RGS22: variants seen among roughly 807,000 people sequenced by gnomAD.
The protein encoded by RGS22 is regulator of G protein signaling 22.
Under a neutral mutation model 172.9 loss-of-function variants are expected in RGS22, and 148 were observed. The ratio of observed to expected loss-of-function variants is 0.86; its 90% CI spans 0.75 to 0.98. The LOEUF (loss-of-function observed/expected upper bound fraction) is 0.98, where lower values mean the gene tolerates loss of function less well. Ranked by LOEUF, RGS22 falls within the 50% of genes least tolerant of loss-of-function variation. RGS22 has a pLI of 0.00. For missense variants in RGS22, 1,347 were observed against 1,440.8 expected, an observed-to-expected ratio of 0.93 and a Z score of 1.05; for synonymous variants, 458 against 480.2, an observed-to-expected ratio of 0.95 and a Z score of 0.60.
At chr8:100,001,910 T>C (rs1815132940) in intron 18 of RGS22, among the ~76,000 whole-genome samples, 1 of 152,210 alleles carries the variant, frequency 6.6e-6, no homozygotes, top group African/African-American at 2.4e-5. Context: ...CAGTCTGGCA[T>C]AGTGAAGGCA....
chr8:100,068,934 CA>C (rs11313965), intron 6 of RGS22, among the ~76,000 whole-genome samples: 77,370 of 120,426 alleles, frequency 0.64, 21,929 homozygotes, highest in Admixed American at 0.68. Context: ...GACCCTGTCT[CA>C]AAAAAAAAAA....
At chr8:99,989,028 A>T (rs1813405010) in intron 20 of RGS22, among the ~76,000 whole-genome samples, 1 of 152,052 alleles carries the variant, frequency 6.6e-6, no homozygotes, top group African/African-American at 2.4e-5. Context: ...ACAAAATAAT[A>T]AAATATATGT....
chr8:99,989,569 T>A (rs977555398), intron 20 of RGS22, among the ~76,000 whole-genome samples: 1 of 152,090 alleles, frequency 6.6e-6, no homozygotes, highest in African/African-American at 2.4e-5. Context: ...ATGTGCCAGG[T>A]GTGTTGGCTC....
At chr8:99,963,041 AAGATG>A in intron 24 of RGS22, 63 bp from the exon 25 acceptor site, 1 of 1,325,364 alleles carries the variant, frequency 7.5e-7, no homozygotes, top group Non-Finnish European at 1.0e-6. Flanking sequence ...AACTGAAGAT[AAGATG>A]TCTTCTATCA....
chr8:100,100,065 T>C (rs1318580748), intron 2 of RGS22, among the ~76,000 whole-genome samples: 1 of 152,184 alleles, frequency 6.6e-6, no homozygotes, highest in South Asian at 2.1e-4. Flanking sequence ...TTCTATACAG[T>C]TGTCCCTTGG....
chr8:100,017,790 G>C (rs1485649641), intron 14 of RGS22, among the ~76,000 whole-genome samples: 1 of 152,182 alleles, frequency 6.6e-6, no homozygotes, highest in African/African-American at 2.4e-5. Flanking sequence ...TTATGGGTTA[G>C]AAACATTGTT....
At chr8:100,071,035 C>T (rs934496568) in intron 6 of RGS22, among the ~76,000 whole-genome samples, 5 of 152,206 alleles carry the variant, frequency 3.3e-5, no homozygotes, top group African/African-American at 1.2e-4. Context: ...GTAATCCCAG[C>T]ACTTTGGGAG....
chr8:99,994,558 G>C (rs945368022), intron 20 of RGS22, among the ~76,000 whole-genome samples: 1 of 151,980 alleles, frequency 6.6e-6, no homozygotes, highest in Non-Finnish European at 1.5e-5. Flanking sequence ...AACTGACAAG[G>C]GATATGAAGG....
chr8:100,026,763 A>C (rs188672540), intron 14 of RGS22, among the ~76,000 whole-genome samples: 2 of 152,260 alleles, frequency 1.3e-5, no homozygotes. Context: ...ACAGTGTCCT[A>C]AGAAGCATAA....
chr8:100,001,526 G>C (rs750576084), intron 18 of RGS22, among the ~76,000 whole-genome samples: 1 of 151,890 alleles, frequency 6.6e-6, no homozygotes, highest in Non-Finnish European at 1.5e-5. Context: ...AAGCCACCAC[G>C]CCCAGCCCAA....
intron 8 of RGS22, 136 bp from the exon 9 acceptor site, chr8:100,062,888 A>G (rs906165203): frequency 4.4e-6 from 3 of 689,160 alleles, no homozygotes; most frequent in Non-Finnish European, 7.2e-6. Context: ...AGGTTCTTCA[A>G]CTTACAGTAA....
At chr8:100,040,592 T>A (rs935635640) in intron 12 of RGS22, among the ~76,000 whole-genome samples, 1 of 152,186 alleles carries the variant, frequency 6.6e-6, no homozygotes, top group Non-Finnish European at 1.5e-5. Context: ...ACAGTGTAAA[T>A]GGCAGTGTAA....
At chr8:99,967,648 C>G (rs1390469016) in intron 23 of RGS22, among the ~76,000 whole-genome samples, 1 of 152,298 alleles carries the variant, frequency 6.6e-6, no homozygotes, top group East Asian at 1.9e-4. Context: ...CACTGCAGTG[C>G]AGCAAAGCAG....
At chr8:99,976,921 G>C (rs573254033) in intron 23 of RGS22, among the ~76,000 whole-genome samples, 19 of 152,114 alleles carry the variant, frequency 1.2e-4, no homozygotes, top group African/African-American at 4.3e-4. Context: ...AAATGAAATA[G>C]GTATAAGCTT....
chr8:99,990,295 AAC>A (rs1318602620), intron 20 of RGS22, among the ~76,000 whole-genome samples: 2 of 152,156 alleles, frequency 1.3e-5, no homozygotes, highest in African/African-American at 4.8e-5. Context: ...TTTAAAAAAG[AAC>A]AGAGTTCTGA....
intron 2 of RGS22, among the ~76,000 whole-genome samples, chr8:100,101,815 C>G (rs1813515549): frequency 1.3e-5 from 2 of 150,922 alleles, no homozygotes; most frequent in Non-Finnish European, 1.5e-5. Flanking sequence ...ACTTTTAGAT[C>G]CACTGAGAAA....
chr8:99,961,552 T>C (rs1482388184), intron 27 of RGS22, among the ~76,000 whole-genome samples: 2 of 152,234 alleles, frequency 1.3e-5, no homozygotes, highest in Admixed American at 1.3e-4. Context: ...GATTGTAAGT[T>C]TCCTGAGGCT....
intron 22 of RGS22, among the ~76,000 whole-genome samples, chr8:99,980,208 A>C (rs940213161): frequency 6.6e-6 from 1 of 152,190 alleles, no homozygotes; most frequent in South Asian, 2.1e-4. Context: ...GGGATTACTT[A>C]CAGGTGTGAG....
In RGS22 at chr8:100,007,437, A is replaced by G. The variant is rs138397339; in HGVS notation, c.2361+938T>C. 7.2e-3 allele frequency among the ~76,000 whole-genome samples: 1,103 copies of G among 152,304 alleles called. 12 individuals carry two copies. Among genetic ancestry groups the G allele is most frequent in the Middle Eastern group, 0.034 (10 of 294 alleles). On this transcript the variant is annotated intron_variant, in intron 15 of 27. Transcript: ENST00000360863. ...TAAAATGACCTCTTTCAGGATGACA[A>G]AAGACATGCTGAAACTTGTATCCAG...
Sources: allele counts gnomAD v4.1 joint callset (sites outside exome capture counted in the v4.1 genomes callset), GRCh38; gene constraint gnomAD v4.1.1; transcripts MANE v1.5; gene names NCBI Gene and HGNC (gene_info 2026-07-23, HGNC 2026-07-21).